The following CETP variants were observed in gnomAD, a reference collection of about 807,000 sequenced individuals.
The protein encoded by CETP is BPI fold containing family F.
Under a neutral mutation model 66.5 loss-of-function variants are expected in CETP, and 56 were observed. The ratio of observed to expected loss-of-function variants is 0.84; its 90% CI spans 0.68 to 1.05. The LOEUF is 1.05. Among genes scored for constraint, CETP ranks in the 50% least tolerant of loss-of-function variants. The pLI, the probability that CETP is intolerant of heterozygous loss-of-function variation, is 0.00. For missense variants in CETP, 612 were observed against 609.6 expected (o/e 1.00, Z -0.04); for synonymous variants, 251 against 245.7 (o/e 1.02, Z -0.20).
rs774807909 is a variant in CETP at position 56,973,443 on chromosome 16, A to G, written c.863A>G (p.His288Arg). The change falls in exon 9 of 16, where the codon CAC becomes CGC. Residue 288 changes from histidine (H) to arginine (R), a missense_variant. By Grantham distance (29) the His-to-Arg change is conservative. Coordinates refer to ENST00000200676, the MANE Select transcript of CETP (RefSeq NM_000078.3). ...LYFWFSERVF[H>R]SLAKVAFQDG... ...TTCTGGTTCTCTGAGCGAGTCTTCC[A>G]CTCGCTGGCCAAGGTAGCTTTCCAG... 26 of 1,614,068 alleles carry G rather than the reference A, an allele frequency of 1.6e-5. No homozygotes were observed. The highest frequency in any genetic ancestry group is 2.2e-5 in the Non-Finnish European group (26 of 1,180,020).
At chr16:56,972,892 A>G (rs1963887591) in intron 8 of CETP, among the ~76,000 whole-genome samples, 1 of 152,096 alleles carries the variant, frequency 6.6e-6, no homozygotes, top group South Asian at 2.1e-4. Context: ...AAGCCTGTTC[A>G]CAACCCATGG....
At chr16:56,971,211 G>T in intron 6 of CETP, 109 bp downstream of exon 6, 1 of 1,503,726 alleles carries the variant, frequency 6.7e-7, no homozygotes, top group Non-Finnish European at 9.2e-7. Flanking sequence ...TTCTCCATGT[G>T]GCCAGTCCCC....
chr16:56,980,360 C>T (rs764147297), intron 11 of CETP, among the ~76,000 whole-genome samples: 1 of 152,082 alleles, frequency 6.6e-6, no homozygotes, highest in Non-Finnish European at 1.5e-5. Context: ...TTTGTAGAGA[C>T]AGGGTTTTGC....
At chr16:56,966,302 G>A (rs1451638496) in intron 2 of CETP, among the ~76,000 whole-genome samples, 5 of 152,108 alleles carry the variant, frequency 3.3e-5, no homozygotes, top group Admixed American at 6.6e-5. Context: ...TAGGGCGAGG[G>A]AAGCTTCCTG....
At chr16:56,976,523 G>A (rs889230450) in intron 10 of CETP, among the ~76,000 whole-genome samples, 4 of 151,012 alleles carry the variant, frequency 2.6e-5, no homozygotes, top group Non-Finnish European at 4.4e-5. Flanking sequence ...CCAGGCTGGA[G>A]TGCAGTAGCA....
At chr16:56,973,085 A>AC (rs2056124242) in intron 8 of CETP, among the ~76,000 whole-genome samples, 3 of 152,148 alleles carry the variant, frequency 2.0e-5, no homozygotes. Context: ...CTTGAATATA[A>AC]CCCTGTGAAG....
At position 56,962,733 on chromosome 16, in the gene CETP, GCC is replaced by G. The variant is rs34145065; in HGVS notation, c.119-274_119-273del. Among the ~76,000 whole-genome samples the G allele has an allele frequency of 0.36, 55,225 of 151,694 alleles. 10,969 individuals are homozygous for G. The highest frequency in any genetic ancestry group is 0.46 in the South Asian group (2,217 of 4,812). ...TTAGTGTGCGGCTGGGCTCAGGGCT[GCC>G]CCATTTGCTAGGATCGTGGGGTTCC... On this transcript the variant is annotated intron_variant, in intron 1 of 15. Transcript: ENST00000200676.
At chr16:56,965,420 A>G (rs1445967666) in intron 2 of CETP, among the ~76,000 whole-genome samples, 6 of 151,096 alleles carry the variant, frequency 4.0e-5, no homozygotes, top group Non-Finnish European at 5.9e-5. Flanking sequence ...ACAGACCGGG[A>G]AAGCCAGATA....
intron 2 of CETP, 136 bp downstream of exon 2, chr16:56,963,260 C>A: frequency 5.6e-6 from 4 of 712,212 alleles, no homozygotes; most frequent in Non-Finnish European, 1.0e-5. Flanking sequence ...GGAACCAGAG[C>A]CTGACACCTT....
rs1270647666 is a variant in CETP, at chr16:56,969,569, TG to T, written c.369-40del. 3.7e-6 allele frequency: 6 copies of T among 1,614,006 alleles called. No homozygotes were observed. The Admixed American group carries it at 5.0e-5, about 13-fold the overall frequency. ...CCCCATGCCCTGGCCCTCTCTGGGC[TG>T]GAGGGCTGAATGAGGGTCCTGGGTC... On this transcript the variant is annotated intron_variant, in intron 3 of 15. Coordinates refer to ENST00000200676, the MANE Select transcript of CETP (RefSeq NM_000078.3).
intron 11 of CETP, among the ~76,000 whole-genome samples, chr16:56,978,465 T>C (rs2056165917): frequency 6.6e-6 from 1 of 152,068 alleles, no homozygotes; most frequent in Admixed American, 6.6e-5. Context: ...GCTTAGGTAA[T>C]ATTTTCTCTC....
chr16:56,972,289 G>A (rs2056117423), intron 8 of CETP, among the ~76,000 whole-genome samples: 1 of 152,198 alleles, frequency 6.6e-6, no homozygotes, highest in African/African-American at 2.4e-5. Context: ...CCTCTCTGCA[G>A]GCACCAGGGC....
rs1555506023 is a variant in CETP, at chr16:56,969,953, G to T, written c.479G>T (p.Cys160Phe). The part of the protein sequence containing the change: ...SGRVRTDAPD[C>F]YLSFHKLLLH... ...AGAGTGCGGACCGATGCCCCTGACT[G>T]CTACCTGTCTTTCCATAAGCTGCTC... The change falls in exon 5 of 16, where the codon TGC becomes TTC. Residue 160 changes from cysteine to phenylalanine, a missense_variant. Physicochemically the swap from Cys to Phe is radical, Grantham distance 205 (BLOSUM62 -2). Coordinates refer to ENST00000200676, the MANE Select transcript of CETP (RefSeq NM_000078.3). 5 of 1,614,138 alleles carry T rather than the reference G, an allele frequency of 3.1e-6. No individual in the cohort carries two copies. The highest frequency in any genetic ancestry group is 2.2e-5 in the East Asian group (1 of 44,884).
At chr16:56,977,272 C>T (rs770494598) in intron 10 of CETP, among the ~76,000 whole-genome samples, 6 of 152,106 alleles carry the variant, frequency 3.9e-5, no homozygotes, top group Non-Finnish European at 7.4e-5. Context: ...GTGTATCCAG[C>T]GGTTCAGTGG....
intron 2 of CETP, among the ~76,000 whole-genome samples, chr16:56,964,519 T>A (rs2056051478): frequency 6.6e-6 from 1 of 152,124 alleles, no homozygotes; most frequent in Non-Finnish European, 1.5e-5. Flanking sequence ...CCCTGGAGCC[T>A]GGGTCCCGGT....
chr16:56,980,085 G>T (rs2056177213), intron 11 of CETP, among the ~76,000 whole-genome samples: 1 of 152,154 alleles, frequency 6.6e-6, no homozygotes, highest in Non-Finnish European at 1.5e-5. Flanking sequence ...ACATAACCAT[G>T]CTACAGTGTC....
At chr16:56,971,220 C>A in intron 6 of CETP, 101 bp from the exon 7 acceptor site, 2 of 1,509,042 alleles carry the variant, frequency 1.3e-6, no homozygotes, top group Non-Finnish European at 1.8e-6. Context: ...TGGCCAGTCC[C>A]CTGTGCCGGT....
chr16:56,980,345 AT>A (rs1308322119), intron 11 of CETP, among the ~76,000 whole-genome samples: 4 of 151,982 alleles, frequency 2.6e-5, no homozygotes, highest in Non-Finnish European at 4.4e-5. Flanking sequence ...ACTACCACGT[AT>A]TTTTTTGTAG....
intron 2 of CETP, among the ~76,000 whole-genome samples, chr16:56,964,681 T>G (rs534736304): frequency 9.2e-5 from 14 of 152,284 alleles, no homozygotes; most frequent in Admixed American, 3.3e-4. Context: ...GCCTTGAGTC[T>G]TGGTAAATGT....
Sources: gnomAD v4.1 joint callset for allele counts (sites outside exome capture counted in the v4.1 genomes callset) on GRCh38, gnomAD v4.1.1 for gene constraint, MANE v1.5 for transcripts, NCBI Gene and HGNC (gene_info 2026-07-23, HGNC 2026-07-21) for gene names.